Variants in LIN52 observed in about 807,000 individuals in gnomAD.
The protein encoded by LIN52 is protein lin-52 homolog.
A neutral mutation model predicts 18.5 loss-of-function variants in LIN52; 4 were observed. The observed-to-expected ratio is 0.22, with a 90% confidence interval of 0.11 to 0.49. The LOEUF is 0.49. Ranked by LOEUF, LIN52 falls within the 20% of genes least tolerant of loss-of-function variation. The pLI is 0.97. For synonymous variants in LIN52, 34 were observed against 45.5 expected (o/e 0.75, Z 1.02); for missense variants, 102 against 139.5 (o/e 0.73, Z 1.35).
At chr14:74,089,233 A>G (rs1430851601) in intron 1 of LIN52, among the ~76,000 whole-genome samples, 1 of 152,164 alleles carries the variant, frequency 6.6e-6, no homozygotes, top group African/African-American at 2.4e-5. Flanking sequence ...GGAAGGGTGA[A>G]GGAAAAGAAT....
At chr14:74,198,157 T>G (rs2078926680) in intron 5 of LIN52, among the ~76,000 whole-genome samples, 1 of 152,246 alleles carries the variant, frequency 6.6e-6, no homozygotes, top group Non-Finnish European at 1.5e-5. Flanking sequence ...GTATGCTTTC[T>G]GAGATCTAAA....
At chr14:74,174,283 C>G (rs144912983) in intron 5 of LIN52, among the ~76,000 whole-genome samples, 1 of 152,138 alleles carries the variant, frequency 6.6e-6, no homozygotes, top group Non-Finnish European at 1.5e-5. Context: ...TGTTCTTACA[C>G]AAACCTAGAT....
intron 5 of LIN52, among the ~76,000 whole-genome samples, chr14:74,131,614 C>T (rs532885725): frequency 3.9e-5 from 6 of 152,238 alleles, no homozygotes; most frequent in South Asian, 2.1e-4. Context: ...CGCACCTGGC[C>T]GTAGGCTTAA....
intron 5 of LIN52, among the ~76,000 whole-genome samples, chr14:74,179,676 AAAG>A (rs1452890068): frequency 7.5e-5 from 2 of 26,764 alleles, no homozygotes. Flanking sequence ...AAAAGAAAAA[AAAG>A]AAAAAAAAAT....
chr14:74,146,248 C>T (rs573628770), intron 5 of LIN52, among the ~76,000 whole-genome samples: 5 of 152,180 alleles, frequency 3.3e-5, no homozygotes, highest in African/African-American at 7.2e-5. Context: ...CTTGTTAAAA[C>T]GTTCCCACAC....
chr14:74,137,877 T>G (rs1289161512), intron 5 of LIN52, among the ~76,000 whole-genome samples: 1 of 152,174 alleles, frequency 6.6e-6, no homozygotes, highest in Non-Finnish European at 1.5e-5. Context: ...TATCATTTTC[T>G]TCTAGAATAT....
At chr14:74,193,247 CA>C (rs55829983) in intron 5 of LIN52, among the ~76,000 whole-genome samples, 30,338 of 139,456 alleles carry the variant, frequency 0.22, 3,792 homozygotes, top group East Asian at 0.57. Context: ...CCTGTCTCCA[CA>C]AAAAAAAAAA....
At chr14:74,148,568 C>T (rs1330451613) in intron 5 of LIN52, among the ~76,000 whole-genome samples, 1 of 152,186 alleles carries the variant, frequency 6.6e-6, no homozygotes, top group Non-Finnish European at 1.5e-5. Context: ...AAACGAACAA[C>T]AACAACAACA....
At chr14:74,180,262 ATT>A (rs5809652) in intron 5 of LIN52, among the ~76,000 whole-genome samples, 109 of 119,718 alleles carry the variant, frequency 9.1e-4, no homozygotes, top group East Asian at 1.3e-3. Context: ...GGGAGGAGGA[ATT>A]TTTTTTTTTT....
intron 5 of LIN52, among the ~76,000 whole-genome samples, chr14:74,137,445 C>T (rs142277074): frequency 9.2e-4 from 139 of 150,576 alleles, no homozygotes; most frequent in Admixed American, 7.2e-3. Flanking sequence ...TTGTAAATGC[C>T]ATTACATTCT....
intron 5 of LIN52, among the ~76,000 whole-genome samples, chr14:74,180,197 A>G (rs1334573441): frequency 6.6e-6 from 1 of 152,014 alleles, no homozygotes; most frequent in Non-Finnish European, 1.5e-5. Context: ...CTCTACCTGC[A>G]TAGTGTCTAC....
intron 5 of LIN52, among the ~76,000 whole-genome samples, chr14:74,129,998 G>T (rs1172672245): frequency 6.6e-6 from 1 of 152,082 alleles, no homozygotes; most frequent in Non-Finnish European, 1.5e-5. Flanking sequence ...GATGGCGGCA[G>T]GCAAAAAGAG....
intron 4 of LIN52, among the ~76,000 whole-genome samples, chr14:74,098,092 C>T (rs1054481774): frequency 6.6e-6 from 1 of 152,154 alleles, no homozygotes; most frequent in African/African-American, 2.4e-5. Flanking sequence ...GTGCTAAATT[C>T]TTCTAATGTG....
chr14:74,147,213 G>A (rs1163580915), intron 5 of LIN52, among the ~76,000 whole-genome samples: 4 of 152,004 alleles, frequency 2.6e-5, no homozygotes, highest in South Asian at 2.1e-4. Flanking sequence ...ACCCGAGATC[G>A]CACCATTGCA....
chr14:74,099,238 A>G (rs986170871), intron 4 of LIN52, among the ~76,000 whole-genome samples: 2 of 152,206 alleles, frequency 1.3e-5, no homozygotes, highest in African/African-American at 2.4e-5. Flanking sequence ...AAGTCTACTT[A>G]TGCTAGGTGT....
At chr14:74,130,278 G>GTTTTTTTTTTGTTTTTTTT (rs1566856483) in intron 5 of LIN52, among the ~76,000 whole-genome samples, 1 of 64,842 alleles carries the variant, frequency 1.5e-5, no homozygotes, top group Non-Finnish European at 2.8e-5. Context: ...GCATTTTTTG[G>GTTTTTTTTTTGTTTTTTTT]TTTTTTTTTT....
chr14:74,108,306 A>G (rs907887614), intron 5 of LIN52, among the ~76,000 whole-genome samples: 1 of 152,178 alleles, frequency 6.6e-6, no homozygotes, highest in African/African-American at 2.4e-5. Context: ...CTACTTGGCT[A>G]CTTCAAATAA....
At chr14:74,175,462 G>A (rs929569331) in intron 5 of LIN52, among the ~76,000 whole-genome samples, 3 of 151,294 alleles carry the variant, frequency 2.0e-5, no homozygotes, top group African/African-American at 7.3e-5. Context: ...ATGTAGCGAG[G>A]CCCCAGGATC....
chr14:74,197,397 A>G (rs1220908335), intron 5 of LIN52, among the ~76,000 whole-genome samples: 2 of 152,230 alleles, frequency 1.3e-5, no homozygotes, highest in Non-Finnish European at 2.9e-5. Flanking sequence ...ACAAGTGAAC[A>G]GGAGAGCACG....
Sources: allele counts gnomAD v4.1 joint callset (sites outside exome capture counted in the v4.1 genomes callset), GRCh38; gene constraint gnomAD v4.1.1; transcripts MANE v1.5; gene names NCBI Gene and HGNC (gene_info 2026-07-23, HGNC 2026-07-21).